The following TFCP2 variants were observed in gnomAD, a reference collection of about 807,000 sequenced individuals.
TFCP2 encodes the protein alpha-globin transcription factor CP2.
In TFCP2, 33 loss-of-function variants were observed where a neutral mutation model predicts 73.4. The ratio of observed to expected loss-of-function variants is 0.45; its 90% CI spans 0.34 to 0.60. The LOEUF (loss-of-function observed/expected upper bound fraction) is 0.60, where lower values mean the gene tolerates loss of function less well. Ranked by LOEUF, TFCP2 falls within the 20% of genes least tolerant of loss-of-function variation. The probability of loss-of-function intolerance (pLI) is 0.01; values close to 1 mark genes in which losing one functional copy is unlikely to be tolerated. For synonymous variants in TFCP2, 193 were observed against 211.6 expected, an observed-to-expected ratio of 0.91 and a Z score of 0.76; for missense variants, 352 against 604.0, an observed-to-expected ratio of 0.58 and a Z score of 4.37.
chr12:51,113,805 G>A (rs948548623), intron 4 of TFCP2, among the ~76,000 whole-genome samples: 8 of 152,168 alleles, frequency 5.3e-5, no homozygotes, highest in African/African-American at 1.4e-4. Flanking sequence ...GTGGGGGAAA[G>A]AACAGTCTTT....
chr12:51,097,743 G>C (rs118152885), intron 13 of TFCP2, among the ~76,000 whole-genome samples: 1 of 151,996 alleles, frequency 6.6e-6, no homozygotes, highest in Non-Finnish European at 1.5e-5. Flanking sequence ...ATGGCCAGGC[G>C]TGGTGGTTCA....
rs1471245994 is a variant in TFCP2 at position 51,144,213 on chromosome 12, T to C, written c.123-25441A>G. Among the ~76,000 whole-genome samples, 5 of 152,052 alleles carry C rather than the reference T, an allele frequency of 3.3e-5. No homozygotes were observed. In the South Asian group the frequency reaches 8.3e-4, roughly 25 times the overall value. ...ACACCTGGCTAATTTTTCAATTTTT[T>C]TGTAGAGATAGGGTCTGTTTATGTT... On this transcript the variant is annotated intron_variant, in intron 1 of 14. Transcript: ENST00000257915.
At chr12:51,124,308 C>T (rs1592807264) in intron 1 of TFCP2, among the ~76,000 whole-genome samples, 1 of 152,224 alleles carries the variant, frequency 6.6e-6, no homozygotes, top group Non-Finnish European at 1.5e-5. Context: ...GTTGCTCAGA[C>T]TGGTCTTGAA....
intron 1 of TFCP2, among the ~76,000 whole-genome samples, chr12:51,138,819 C>G (rs1359700172): frequency 6.6e-6 from 1 of 151,944 alleles, no homozygotes; most frequent in African/African-American, 2.4e-5. Context: ...TCTATTTTCA[C>G]TAGAGACGGG....
Position 51,159,005 on chromosome 12 carries a change from TCCAAA to T in TFCP2, c.122+13291_122+13295del, listed in dbSNP as rs1392971459. Among the ~76,000 whole-genome samples, 31 of 104,404 alleles carry T rather than the reference TCCAAA, an allele frequency of 3.0e-4. 2 individuals are homozygous for T. The highest frequency in any genetic ancestry group is 3.8e-4 in the Non-Finnish European group (21 of 55,588). 68.5% of individuals were successfully genotyped at this position (104,404 alleles called of 152,430 possible). On this transcript the variant is annotated intron_variant, in intron 1 of 14. Coordinates refer to ENST00000257915, the MANE Select transcript of TFCP2 (RefSeq NM_005653.5). ...GGTGAAACCCTCTCTCTACTAAAAA[TCCAAA>T]AAAAAAAAAAAAAAAAAAATTAGCC...
chr12:51,124,538 G>A (rs1322050706), intron 1 of TFCP2: 6 of 428,566 alleles, frequency 1.4e-5, no homozygotes, highest in Non-Finnish European at 2.7e-5. Context: ...AGAATCATTG[G>A]GGCTGTGGCC....
Position 51,106,627 on chromosome 12 carries a change from A to G in TFCP2, c.829-14T>C, listed in dbSNP as rs1940252345. The G allele has an allele frequency of 1.2e-6, 2 of 1,606,768 alleles. No individual in the cohort carries two copies. Among genetic ancestry groups the G allele is most frequent in the Admixed American group, 1.7e-5 (1 of 59,744 alleles). ...CCATGGAGAACACTAAAAACAAAGG[A>G]TAAGTTAGATAATGAACGAGCACAT... On this transcript the variant is annotated splice_polypyrimidine_tract_variant and intron_variant, in intron 7 of 14. Transcript: ENST00000257915.
intron 1 of TFCP2, among the ~76,000 whole-genome samples, chr12:51,157,432 C>T (rs1176823223): frequency 6.6e-6 from 1 of 151,658 alleles, no homozygotes; most frequent in Non-Finnish European, 1.5e-5. Context: ...CCTTCTGCCT[C>T]AGCCTTCCGA....
chr12:51,104,385 T>C (rs578092096), intron 8 of TFCP2, among the ~76,000 whole-genome samples, 182 bp from the exon 9 acceptor site: 1 of 152,290 alleles, frequency 6.6e-6, no homozygotes, highest in East Asian at 1.9e-4. Flanking sequence ...CTAAAGACTT[T>C]ATGAGGAGGG....
chr12:51,120,381 G>A (rs1318757617), intron 1 of TFCP2, among the ~76,000 whole-genome samples: 1 of 152,066 alleles, frequency 6.6e-6, no homozygotes, highest in African/African-American at 2.4e-5. Flanking sequence ...CACAAAGAAT[G>A]TGTAATGCAT....
chr12:51,112,791 C>T (rs1336030637), intron 4 of TFCP2, among the ~76,000 whole-genome samples: 2 of 149,220 alleles, frequency 1.3e-5, no homozygotes, highest in Non-Finnish European at 3.0e-5. Flanking sequence ...GGCTTGAACC[C>T]GGGAGACAGA....
intron 1 of TFCP2, among the ~76,000 whole-genome samples, chr12:51,130,178 AAAG>A (rs1348478959): frequency 6.6e-6 from 1 of 152,074 alleles, no homozygotes; most frequent in African/African-American, 2.4e-5. Flanking sequence ...AACATTAAAA[AAAG>A]AAGCTGTTGG....
At chr12:51,101,230 G>A (rs1303398789) in intron 11 of TFCP2, among the ~76,000 whole-genome samples, 3 of 152,220 alleles carry the variant, frequency 2.0e-5, no homozygotes, top group East Asian at 1.9e-4. Context: ...GCGTGAACCC[G>A]GGAGGTGGAG....
chr12:51,148,410 G>T (rs1941344792), intron 1 of TFCP2, among the ~76,000 whole-genome samples: 1 of 152,184 alleles, frequency 6.6e-6, no homozygotes, highest in African/African-American at 2.4e-5. Flanking sequence ...AGTGGATAAA[G>T]AAAATGTGGT....
At chr12:51,115,310 C>A (rs541837619) in intron 4 of TFCP2, among the ~76,000 whole-genome samples, 1 of 151,840 alleles carries the variant, frequency 6.6e-6, no homozygotes, top group South Asian at 2.1e-4. Flanking sequence ...TGAGTGGAGA[C>A]GGGGTTTCAC....
At chr12:51,156,673 G>T (rs1941544097) in intron 1 of TFCP2, among the ~76,000 whole-genome samples, 1 of 152,218 alleles carries the variant, frequency 6.6e-6, no homozygotes, top group Admixed American at 6.5e-5. Context: ...CACCAGCGAA[G>T]TCATCAGGTC....
At chr12:51,109,768 GA>G (rs1473757602) in intron 5 of TFCP2, among the ~76,000 whole-genome samples, 1 of 149,280 alleles carries the variant, frequency 6.7e-6, no homozygotes, top group East Asian at 2.0e-4. Context: ...ACCCAGGCTG[GA>G]ATGCAATGGC....
At chr12:51,109,387 CA>C in intron 5 of TFCP2, 114 bp from the exon 6 acceptor site, 1 of 997,120 alleles carries the variant, frequency 1.0e-6, no homozygotes, top group Non-Finnish European at 1.5e-6. Flanking sequence ...TGAATACCTA[CA>C]AAAAACACTT....
intron 8 of TFCP2, among the ~76,000 whole-genome samples, chr12:51,105,877 A>C (rs1159566812): frequency 6.6e-6 from 1 of 152,248 alleles, no homozygotes; most frequent in East Asian, 1.9e-4. Flanking sequence ...TCAAGTTTCA[A>C]TATGGCTATG....
Sources: allele counts gnomAD v4.1 joint callset (sites outside exome capture counted in the v4.1 genomes callset), GRCh38; gene constraint gnomAD v4.1.1; transcripts MANE v1.5; gene names NCBI Gene and HGNC (gene_info 2026-07-23, HGNC 2026-07-21).